Variants in AGBL4 observed in about 807,000 individuals in gnomAD.
AGBL4 encodes the protein cytosolic carboxypeptidase 6.
In AGBL4, 58 loss-of-function variants were observed where a neutral mutation model predicts 66.4. The ratio of observed to expected loss-of-function variants is 0.87; its 90% CI spans 0.71 to 1.09. The LOEUF is 1.09. Among genes scored for constraint, AGBL4 ranks in the 50% least tolerant of loss-of-function variants. The pLI is 0.00. For synonymous variants in AGBL4, 234 were observed against 222.9 expected (o/e 1.05, Z -0.44); for missense variants, 579 against 631.0 (o/e 0.92, Z 0.88).
At chr1:49,883,188 C>T (rs1422864511) in intron 1 of AGBL4, among the ~76,000 whole-genome samples, 1 of 152,120 alleles carries the variant, frequency 6.6e-6, no homozygotes, top group Non-Finnish European at 1.5e-5. Context: ...TACAACACTA[C>T]CATATCAATC....
At chr1:49,568,487 T>TCACACA (rs71059555) in intron 3 of AGBL4, among the ~76,000 whole-genome samples, 8,753 of 131,192 alleles carry the variant, frequency 0.067, 525 homozygotes, top group African/African-American at 0.16. Context: ...AAATAAGTGA[T>TCACACA]CACACACACA....
intron 2 of AGBL4, among the ~76,000 whole-genome samples, chr1:49,742,548 C>G (rs1325114651): frequency 6.6e-6 from 1 of 151,722 alleles, no homozygotes; most frequent in Admixed American, 6.6e-5. Flanking sequence ...TTGGAAAAAA[C>G]TACTTTAAAG....
intron 4 of AGBL4, among the ~76,000 whole-genome samples, chr1:49,160,883 T>C (rs1020621200): frequency 1.3e-5 from 2 of 152,154 alleles, no homozygotes; most frequent in Admixed American, 6.5e-5. Flanking sequence ...GCCTCAGCAA[T>C]GGCCAGTGCC....
chr1:48,919,101 C>T (rs141366056), intron 5 of AGBL4, among the ~76,000 whole-genome samples: 2 of 152,226 alleles, frequency 1.3e-5, no homozygotes, highest in East Asian at 3.9e-4. Context: ...TTCTTTGAGC[C>T]TATTTTAAAA....
intron 5 of AGBL4, among the ~76,000 whole-genome samples, chr1:48,917,049 A>G (rs192425351): frequency 3.3e-5 from 5 of 152,220 alleles, no homozygotes; most frequent in African/African-American, 1.2e-4. Context: ...ATGTTAGGAG[A>G]TGAAGAGAGG....
chr1:48,970,398 A>G (rs1658807101), intron 5 of AGBL4, among the ~76,000 whole-genome samples: 1 of 152,108 alleles, frequency 6.6e-6, no homozygotes, highest in African/African-American at 2.4e-5. Flanking sequence ...CCTACCCAGC[A>G]CCAGCCTGGA....
At chr1:49,208,395 C>T (rs1221619450) in intron 4 of AGBL4, among the ~76,000 whole-genome samples, 2 of 152,036 alleles carry the variant, frequency 1.3e-5, no homozygotes, top group African/African-American at 2.4e-5. Flanking sequence ...TAGGTCATAC[C>T]CTATCAGCAG....
chr1:48,702,546 C>T (rs1274593047), intron 6 of AGBL4, among the ~76,000 whole-genome samples: 2 of 152,114 alleles, frequency 1.3e-5, no homozygotes, highest in Non-Finnish European at 2.9e-5. Flanking sequence ...ACCGCCTTGG[C>T]CTCCCAAGCA....
chr1:49,107,798 T>C (rs528701422), intron 4 of AGBL4, among the ~76,000 whole-genome samples: 3 of 151,244 alleles, frequency 2.0e-5, no homozygotes, highest in Admixed American at 6.6e-5. Flanking sequence ...AAGAACATCA[T>C]ATGCAGGATA....
chr1:48,528,148 A>G (rs1197605928), downstream of AGBL4, among the ~76,000 whole-genome samples: 20 of 152,204 alleles, frequency 1.3e-4, no homozygotes, highest in Non-Finnish European at 8.8e-5. Flanking sequence ...TAAGATGATT[A>G]GCAAGCGGTG....
At chr1:48,813,517 G>T (rs1293787445) in intron 6 of AGBL4, among the ~76,000 whole-genome samples, 2 of 152,174 alleles carry the variant, frequency 1.3e-5, no homozygotes, top group Non-Finnish European at 2.9e-5. Context: ...CCAGGAGGAG[G>T]CTGACCTCAT....
At chr1:49,976,106 A>T (rs181096973) in intron 1 of AGBL4, among the ~76,000 whole-genome samples, 9 of 152,304 alleles carry the variant, frequency 5.9e-5, no homozygotes, top group Non-Finnish European at 1.5e-5. Context: ...TATGTGACAC[A>T]TTAGAGGAGA....
Position 48,564,037 on chromosome 1 carries a change from G to A in AGBL4, c.1267+22967C>T, listed in dbSNP as rs1047555327. 2.6e-5 allele frequency among the ~76,000 whole-genome samples: 4 copies of A among 152,036 alleles called. No individual in the cohort carries two copies. The East Asian group carries it at 7.7e-4, about 29-fold the overall frequency. On this transcript the variant is annotated intron_variant, in intron 11 of 13. Coordinates refer to ENST00000371839, the MANE Select transcript of AGBL4 (RefSeq NM_032785.4). Reference sequence around the variant, plus strand: ...GATCGGGCCTATGATCAGCCAGGGGGGTATTGTTTTCTCCCTCAAGGAAGG... The same window carrying A: ...GATCGGGCCTATGATCAGCCAGGGGAGTATTGTTTTCTCCCTCAAGGAAGG...
At position 50,010,766 on chromosome 1, in the gene AGBL4, T is replaced by C. The variant is rs543738434; in HGVS notation, c.34+12997A>G. On this transcript the variant is annotated intron_variant, in intron 1 of 13. Transcript: ENST00000371839. Reference sequence around the variant, plus strand: ...GTGCTAGGAAAACTGAATATTTATATGCAGAAAAATAAAACTAGACCTCTA... The same window carrying C: ...GTGCTAGGAAAACTGAATATTTATACGCAGAAAAATAAAACTAGACCTCTA... Among the ~76,000 whole-genome samples the C allele has an allele frequency of 3.3e-5, 5 of 152,356 alleles. No homozygotes were observed. In the East Asian group the frequency reaches 9.6e-4, roughly 29 times the overall value.
At chr1:49,536,938 T>C (rs1221101477) in intron 3 of AGBL4, among the ~76,000 whole-genome samples, 2 of 150,304 alleles carry the variant, frequency 1.3e-5, no homozygotes, top group Non-Finnish European at 3.0e-5. Context: ...ACCCGGGAGC[T>C]GGAAGTTGCA....
chr1:48,990,252 A>G (rs778882973), intron 5 of AGBL4, among the ~76,000 whole-genome samples: 2 of 151,450 alleles, frequency 1.3e-5, no homozygotes, highest in Non-Finnish European at 2.9e-5. Flanking sequence ...TTTCCTATAG[A>G]GTTGTTTGAG....
chr1:49,887,792 A>C (rs1395852146), intron 1 of AGBL4, among the ~76,000 whole-genome samples: 1 of 152,146 alleles, frequency 6.6e-6, no homozygotes, highest in Non-Finnish European at 1.5e-5. Flanking sequence ...CGTACCGAAC[A>C]ATTAGTTGTT....
chr1:49,022,274 T>C (rs758456638), intron 5 of AGBL4, among the ~76,000 whole-genome samples: 1 of 149,942 alleles, frequency 6.7e-6, no homozygotes, highest in Non-Finnish European at 1.5e-5. Flanking sequence ...AAAACAAGAA[T>C]CCAGAATTCA....
At chr1:48,722,453 T>A (rs1212591220) in intron 6 of AGBL4, among the ~76,000 whole-genome samples, 1 of 151,986 alleles carries the variant, frequency 6.6e-6, no homozygotes, top group African/African-American at 2.4e-5. Context: ...CAGGTCAGTA[T>A]GACTACCCAA....
Sources: gnomAD v4.1 joint callset for allele counts (sites outside exome capture counted in the v4.1 genomes callset) on GRCh38, gnomAD v4.1.1 for gene constraint, MANE v1.5 for transcripts, NCBI Gene and HGNC (gene_info 2026-07-23, HGNC 2026-07-21) for gene names.